The following REG1A variants were observed in gnomAD, a reference collection of about 807,000 sequenced individuals.
REG1A encodes regenerating family member 1 alpha, also known as lithostathine-1-alpha.
In REG1A, 20 loss-of-function variants were observed where a neutral mutation model predicts 20.7. That is an observed-to-expected ratio of 0.97 (90% CI 0.68 to 1.41). The LOEUF (loss-of-function observed/expected upper bound fraction) is 1.41. Among genes scored for constraint, REG1A ranks in the 40% most tolerant of loss-of-function variants. REG1A has a pLI of 0.00. For synonymous variants in REG1A, 90 were observed against 71.6 expected, an observed-to-expected ratio of 1.26 and a Z score of -1.30; for missense variants, 193 against 201.8, an observed-to-expected ratio of 0.96 and a Z score of 0.26.
chr2:79,121,649 A>T lies in REG1A; in HGVS notation c.152A>T (p.Asn51Ile), dbSNP rs544706237. The T allele has an allele frequency of 1.3e-5, 21 of 1,614,082 alleles. 1 individual carries two copies. The South Asian group carries it at 2.1e-4, about 16-fold the overall frequency. ...NAYRSYCYYFNEDRETWVDAD... is the reference protein window; with the variant it reads ...NAYRSYCYYFIEDRETWVDAD... ...TATCGCTCCTACTGCTACTACTTTA[A>T]TGAAGACCGTGAGACCTGGGTTGAT... is the stretch of plus-strand genomic sequence containing the variant. The change falls in exon 3 of 6, where the codon AAT becomes ATT. Residue 51 changes from asparagine (N) to isoleucine (I), a missense_variant. Physicochemically the swap from Asn to Ile is moderately radical, Grantham distance 149. Transcript: ENST00000233735.
chr2:79,120,644 G>A (rs79458845), intron 1 of REG1A, 130 bp downstream of exon 1: 4,430 of 404,402 alleles, frequency 0.011, 162 homozygotes, highest in African/African-American at 0.084. Flanking sequence ...ATCCAAAGTT[G>A]TTTTTCAGTT....
intron 2 of REG1A, 88 bp downstream of exon 2, chr2:79,121,013 A>T (rs1439243988): frequency 9.2e-7 from 1 of 1,084,060 alleles, no homozygotes; most frequent in African/African-American, 1.6e-5. Context: ...GAAAAAAAAA[A>T]AAAAAGCAGA....
chr2:79,121,771 G>A (rs1235867051), intron 3 of REG1A, 91 bp downstream of exon 3: 3 of 1,365,570 alleles, frequency 2.2e-6, no homozygotes, highest in South Asian at 2.3e-5. Flanking sequence ...AATGAGATGA[G>A]ACTGAACCCC....
Position 79,121,609 on chromosome 2 carries a change from G to T in REG1A, c.112G>T (p.Glu38Ter). 6.2e-7 allele frequency: 1 copy of T among 1,614,092 alleles called. No homozygotes were observed. ...GCCCCAGGCCCGGATCAGCTGCCCA[G>T]AAGGCACCAATGCCTATCGCTCCTA... Reference protein sequence around the residue: ...ELPQARISCPEGTNAYRSYCY... With the variant: ...ELPQARISCP Residue 38 changes from glutamate (E) to a stop codon, truncating the protein, a stop_gained, in exon 3 of 6, where the codon GAA (glutamate) becomes TAA (stop). Transcript: ENST00000233735. LOFTEE classifies it high-confidence loss of function.
intron 3 of REG1A, 52 bp from the exon 4 acceptor site, chr2:79,121,936 T>C: frequency 1.2e-6 from 2 of 1,604,578 alleles, no homozygotes; most frequent in South Asian, 2.2e-5. Context: ...GGACTCAGTA[T>C]ATCCGTCACA....
intron 3 of REG1A, 81 bp downstream of exon 3, chr2:79,121,761 A>T (rs1558546542): frequency 2.3e-5 from 32 of 1,411,704 alleles, no homozygotes; most frequent in Non-Finnish European, 3.2e-5. Flanking sequence ...CAGTGGCTGC[A>T]ATGAGATGAG....
At chr2:79,122,769 G>A in intron 4 of REG1A, 72 bp from the exon 5 acceptor site, 1 of 976,212 alleles carries the variant, frequency 1.0e-6, no homozygotes, top group Non-Finnish European at 1.6e-6. Flanking sequence ...GTTTCTGAGT[G>A]TGCACACAGG....
rs895324434 is a variant in REG1A, at chr2:79,120,950, A to T, written c.64+25A>T. 2.5e-6 allele frequency: 4 copies of T among 1,596,458 alleles called. No homozygotes were observed. The African/African-American group carries it at 4.1e-5, about 16-fold the overall frequency. On this transcript the variant is annotated intron_variant, in intron 2 of 5. Transcript: ENST00000233735. ...GGTAAGATCTCTTTTCCACCAACCA[A>T]CTCTTTCTAGCCCTGAAGACTTCAC...
chr2:79,122,432 G>A (rs997492488), intron 4 of REG1A, among the ~76,000 whole-genome samples: 7 of 152,088 alleles, frequency 4.6e-5, no homozygotes, highest in East Asian at 3.9e-4. Context: ...CTAGATTGCC[G>A]ACTATATAGG....
chr2:79,122,903 C>G lies in REG1A; in HGVS notation c.384C>G (p.Ala128=). 1 of 1,614,030 alleles carries G rather than the reference C, an allele frequency of 6.2e-7. No individual in the cohort carries two copies. Among genetic ancestry groups the G allele is most frequent in the Non-Finnish European group, 8.5e-7 (1 of 1,180,006 alleles). ...CCTACAAGTCCTGGGGCATTGGAGCCCCAAGCAGTGTTAATCCTGGCTACT... is the reference window on the plus strand; with the variant it reads ...CCTACAAGTCCTGGGGCATTGGAGCGCCAAGCAGTGTTAATCCTGGCTACT... ...LVSYKSWGIG[A]PSSVNPGYCV... Residue 128 remains alanine, a synonymous_variant, in exon 5 of 6, where the codon GCC becomes GCG. Coordinates refer to ENST00000233735, the MANE Select transcript of REG1A (RefSeq NM_002909.5).
intron 4 of REG1A, 52 bp downstream of exon 4, chr2:79,122,177 G>A (rs1055311552): frequency 2.5e-6 from 4 of 1,586,524 alleles, no homozygotes; most frequent in Middle Eastern, 3.5e-4. Flanking sequence ...GAAGTAAGAA[G>A]GAGGTTCAAG....
chr2:79,121,450 C>A, intron 2 of REG1A, 112 bp from the exon 3 acceptor site: 1 of 832,856 alleles, frequency 1.2e-6, no homozygotes. Context: ...GCAGTCATCC[C>A]ATAATAGACT....
chr2:79,123,362 C>A lies in REG1A; in HGVS notation c.*147C>A, dbSNP rs1243644234. 7.5e-5 allele frequency: 42 copies of A among 561,808 alleles called. No homozygotes were observed. Among genetic ancestry groups the A allele is most frequent in the Non-Finnish European group, 4.5e-5 (14 of 311,994 alleles). 34.8% of individuals were successfully genotyped at this position (561,808 alleles called of 1,614,324 possible). A position where few individuals can be genotyped will look rare whatever the true frequency, so the allele number is the denominator to read the frequency against. On this transcript the variant is annotated 3_prime_UTR_variant, in exon 6 of 6. Coordinates refer to ENST00000233735, the MANE Select transcript of REG1A (RefSeq NM_002909.5). ...TGTTAATCTTCAATAGTTTTACCTA[C>A]CCCAGTCTTTGGAACCCTAAATAAT...
chr2:79,121,584 G>C lies in REG1A; in HGVS notation c.87G>C (p.Leu29Phe), dbSNP rs1366011153. 6.2e-7 allele frequency: 1 copy of C among 1,614,066 alleles called. No homozygotes were observed. Among genetic ancestry groups the C allele is most frequent in the Non-Finnish European group, 8.5e-7 (1 of 1,179,956 alleles). The change falls in exon 3 of 6, where the codon TTG becomes TTC. Residue 29 changes from leucine (L) to phenylalanine (F), a missense_variant. Physicochemically the swap from Leu to Phe is conservative, Grantham distance 22 (BLOSUM62 0). Transcript: ENST00000233735. ...QSQGQEAQTE[L>F]PQARISCPEG... ...CAGGCCAAGAGGCCCAGACAGAGTT[G>C]CCCCAGGCCCGGATCAGCTGCCCAG...
chr2:79,122,810 A>G, intron 4 of REG1A, 31 bp from the exon 5 acceptor site: 2 of 1,502,012 alleles, frequency 1.3e-6, no homozygotes, highest in Non-Finnish European at 1.9e-6. Flanking sequence ...TTGAGTGACC[A>G]CTGCCTCTGT....
chr2:79,122,171 T>C (rs554220719), intron 4 of REG1A, 46 bp downstream of exon 4: 3 of 1,593,676 alleles, frequency 1.9e-6, no homozygotes, highest in East Asian at 4.5e-5. Flanking sequence ...GTTTGAGAAG[T>C]AAGAAGGAGG....
chr2:79,120,926 G>A lies in REG1A; in HGVS notation c.64+1G>A. 7.4e-6 allele frequency: 12 copies of A among 1,612,036 alleles called. No individual in the cohort carries two copies. Among genetic ancestry groups the A allele is most frequent in the Non-Finnish European group, 1.0e-5 (12 of 1,178,924 alleles). ...CTGATGTTTCTGTCTCAGAGCCAAG[G>A]TAAGATCTCTTTTCCACCAACCAAC... On this transcript the variant is annotated splice_donor_variant, in intron 2 of 5. Coordinates refer to ENST00000233735, the MANE Select transcript of REG1A (RefSeq NM_002909.5). LOFTEE classifies it high-confidence loss of function.
rs1407971774 is a variant in REG1A, at chr2:79,121,377, G to GC, written c.65-185_65-184insC. Among the ~76,000 whole-genome samples, 14 of 152,072 alleles carry GC rather than the reference G, an allele frequency of 9.2e-5. 1 individual carries two copies. In the East Asian group the frequency reaches 2.5e-3, roughly 27 times the overall value. On this transcript the variant is annotated intron_variant, in intron 2 of 5. Coordinates refer to ENST00000233735, the MANE Select transcript of REG1A (RefSeq NM_002909.5). ...CTTGTTTCTTTGGCCTATTCATTCT[G>GC]TTTTTTTTCCCCTGATCAAAGAAAC...
At chr2:79,121,093 C>T (rs929826177) in intron 2 of REG1A, among the ~76,000 whole-genome samples, 168 bp downstream of exon 2, 2 of 151,752 alleles carry the variant, frequency 1.3e-5, no homozygotes, top group Non-Finnish European at 2.9e-5. Context: ...TTATATACAT[C>T]CACACCTCAT....
Sources: gnomAD v4.1 joint callset for allele counts (sites outside exome capture counted in the v4.1 genomes callset) on GRCh38, gnomAD v4.1.1 for gene constraint, MANE v1.5 for transcripts, NCBI Gene and HGNC (gene_info 2026-07-23, HGNC 2026-07-21) for gene names.